ACAN: variants seen among roughly 807,000 people sequenced by gnomAD.
The protein encoded by ACAN is aggrecan core protein.
ACAN carries 47 observed loss-of-function variants against 169.1 expected under a neutral mutation model. The ratio of observed to expected loss-of-function variants is 0.28; its 90% CI spans 0.22 to 0.35. The LOEUF is 0.35. Among genes scored for constraint, ACAN ranks in the 10% least tolerant of loss-of-function variants. ACAN has a pLI of 1.00. For synonymous variants in ACAN, 1,115 were observed against 1,112.2 expected (o/e 1.00, Z -0.05); for missense variants, 2,716 against 2,759.9 (o/e 0.98, Z 0.36).
intron 6 of ACAN, among the ~76,000 whole-genome samples, chr15:88,844,415 C>G (rs1896746030): frequency 6.6e-6 from 1 of 151,546 alleles, no homozygotes; most frequent in Admixed American, 6.6e-5. Flanking sequence ...ACTCTGTCAC[C>G]CAGGCTGGAG....
intron 1 of ACAN, among the ~76,000 whole-genome samples, chr15:88,813,378 G>C (rs1303429082): frequency 6.6e-6 from 1 of 152,132 alleles, no homozygotes; most frequent in Non-Finnish European, 1.5e-5. Context: ...AGGAAATCTG[G>C]GACTCAGAAA....
At position 88,841,753 on chromosome 15, in the gene ACAN, A is replaced by G. The variant is rs758772503; in HGVS notation, c.643A>G (p.Thr215Ala). ...ADQTVRYPIH[T>A]PREGCYGDKD... ...GGTTCCTGGCAGATACCCCATCCAC[A>G]CTCCCCGGGAAGGCTGCTATGGAGA... is the stretch of plus-strand genomic sequence containing the variant. The change falls in exon 5 of 19, where the codon ACT becomes GCT. Residue 215 changes from threonine (T) to alanine (A), a missense_variant. Thr to Ala is a moderately conservative substitution (Grantham distance 58). This residue lies in a region of ACAN where 1,283 missense variants were observed against 1,281.5 expected (regional missense o/e 1.00). Transcript: ENST00000560601. 5 of 1,611,294 alleles carry G rather than the reference A, an allele frequency of 3.1e-6. No individual in the cohort carries two copies. Among genetic ancestry groups the G allele is most frequent in the Non-Finnish European group, 4.2e-6 (5 of 1,179,128 alleles).
intron 6 of ACAN, among the ~76,000 whole-genome samples, chr15:88,844,653 G>A (rs896637563): frequency 8.5e-5 from 13 of 152,308 alleles, no homozygotes; most frequent in Non-Finnish European, 1.3e-4. Context: ...GCTTGCATGC[G>A]TGAGCCACCA....
chr15:88,809,150 C>T (rs1227892036), intron 1 of ACAN, among the ~76,000 whole-genome samples: 1 of 152,148 alleles, frequency 6.6e-6, no homozygotes, highest in Non-Finnish European at 1.5e-5. Context: ...TTTAAAGTCC[C>T]CACTATGGAA....
rs572400360 is a variant in ACAN, at chr15:88,868,996, T to C, written c.7060+667T>C. Among the ~76,000 whole-genome samples the C allele has an allele frequency of 7.9e-5, 12 of 152,188 alleles. No individual in the cohort carries two copies. The highest frequency in any genetic ancestry group is 1.6e-4 in the Non-Finnish European group (11 of 68,046). On this transcript the variant is annotated intron_variant, in intron 14 of 18. Coordinates refer to ENST00000560601, the MANE Select transcript of ACAN (RefSeq NM_001369268.1). This position sits in a 1 kb window ranked among gnomAD's most constrained non-coding sequence, Gnocchi z 5.2. ...AGGGTGGCCAGAGAGAACAGAACTGTGTTACAAGGGGGAGGACTGAGTTAC... is the reference window on the plus strand; with the variant it reads ...AGGGTGGCCAGAGAGAACAGAACTGCGTTACAAGGGGGAGGACTGAGTTAC...
rs888532891 is a variant in ACAN at position 88,843,732 on chromosome 15, G to T, written c.1051+84G>T. 5 of 1,490,480 alleles carry T rather than the reference G, an allele frequency of 3.4e-6. No homozygotes were observed. Among genetic ancestry groups the T allele is most frequent in the Non-Finnish European group, 3.6e-6 (4 of 1,120,044 alleles). 92.3% of individuals were successfully genotyped at this position (1,490,480 alleles called of 1,614,324 possible). A position where few individuals can be genotyped will look rare whatever the true frequency, so the allele number is the denominator to read the frequency against. ...GAAGAGGGGATCTTGGAAAGGGAGG[G>T]TTGGTTTTTGCCCTTGAAGGGGCCA... On this transcript the variant is annotated intron_variant, in intron 6 of 18. Coordinates refer to ENST00000560601, the MANE Select transcript of ACAN (RefSeq NM_001369268.1). The surrounding 1 kb of genome is among the most constrained non-coding windows in gnomAD (Gnocchi z 4.0).
intron 4 of ACAN, among the ~76,000 whole-genome samples, chr15:88,840,945 C>G (rs1025127942): frequency 1.3e-5 from 2 of 152,082 alleles, no homozygotes; most frequent in Non-Finnish European, 2.9e-5. Flanking sequence ...GAGATCGAGA[C>G]CATCCTAGCT....
intron 1 of ACAN, among the ~76,000 whole-genome samples, chr15:88,812,918 C>T (rs1027368933): frequency 6.6e-6 from 1 of 152,154 alleles, no homozygotes; most frequent in Non-Finnish European, 1.5e-5. Flanking sequence ...TCCCTTGGTT[C>T]TCCAAGATGG....
At chr15:88,840,728 A>G (rs1896630779) in intron 4 of ACAN, among the ~76,000 whole-genome samples, 1 of 151,874 alleles carries the variant, frequency 6.6e-6, no homozygotes, top group African/African-American at 2.4e-5. Context: ...CAGGAAGGAA[A>G]ATGTCTTTGC....
intron 1 of ACAN, among the ~76,000 whole-genome samples, chr15:88,829,659 G>A (rs1355990701): frequency 6.6e-6 from 1 of 152,176 alleles, no homozygotes; most frequent in Admixed American, 6.5e-5. Context: ...GGTGACTGGT[G>A]ACTACAGGAA....
intron 1 of ACAN, among the ~76,000 whole-genome samples, chr15:88,824,473 G>A (rs562873117): frequency 1.2e-4 from 18 of 152,300 alleles, no homozygotes; most frequent in East Asian, 1.9e-4. Context: ...TCTAGGCACC[G>A]GAAATACAGC....
chr15:88,839,951 C>A lies in ACAN; in HGVS notation c.455-61C>A. The A allele has an allele frequency of 1.3e-6, 2 of 1,543,932 alleles. No homozygotes were observed. The highest frequency in any genetic ancestry group is 2.4e-5 in the East Asian group (1 of 41,406). On this transcript the variant is annotated intron_variant, in intron 3 of 18. Coordinates refer to ENST00000560601, the MANE Select transcript of ACAN (RefSeq NM_001369268.1). The surrounding 1 kb of genome is among the most constrained non-coding windows in gnomAD (Gnocchi z 4.5). ...TATTGCCATAATTCTGCGAGGGCCT[C>A]GGTGATCAGAGACTGTGCCTGACCA... is the stretch of plus-strand genomic sequence containing the variant.
chr15:88,843,301 A>ATT lies in ACAN; in HGVS notation c.758-54_758-53insTT. Reference sequence around the variant, plus strand: ...AAAGTGTGGATCTCTCTGGGGATGCAGAGCAGGGGGAGGGGGGAGAAGACC... The same window carrying ATT: ...AAAGTGTGGATCTCTCTGGGGATGCATTGAGCAGGGGGAGGGGGGAGAAGACC... On this transcript the variant is annotated intron_variant, in intron 5 of 18. Coordinates refer to ENST00000560601, the MANE Select transcript of ACAN (RefSeq NM_001369268.1). This position sits in a 1 kb window ranked among gnomAD's most constrained non-coding sequence, Gnocchi z 4.0. 1 of 1,364,334 alleles carries ATT rather than the reference A, an allele frequency of 7.3e-7. No homozygotes were observed. Among genetic ancestry groups the ATT allele is most frequent in the Non-Finnish European group, 9.4e-7 (1 of 1,059,090 alleles). The allele number at this position is 1,364,334 out of a possible 1,614,324, so 84.5% of individuals were successfully genotyped here. A position where few individuals can be genotyped will look rare whatever the true frequency, so the allele number is the denominator to read the frequency against.
At chr15:88,808,259 G>A (rs1288773436) in intron 1 of ACAN, among the ~76,000 whole-genome samples, 2 of 152,214 alleles carry the variant, frequency 1.3e-5, no homozygotes, top group Non-Finnish European at 2.9e-5. Context: ...CCCAAAGAGG[G>A]GAAGGATATG....
chr15:88,807,767 T>TGC lies in ACAN; in HGVS notation c.-8+3959_-8+3960insCG, dbSNP rs1895721302. On this transcript the variant is annotated intron_variant, in intron 1 of 18. Transcript: ENST00000560601. The surrounding 1 kb of genome is among the most constrained non-coding windows in gnomAD (Gnocchi z 4.0). ...GGTGGAGTGTGTGTGTGTGTGTGTGTGTGTGTGTGTGTGTGTGTGCATGCT... is the reference window on the plus strand; with the variant it reads ...GGTGGAGTGTGTGTGTGTGTGTGTGTGCGTGTGTGTGTGTGTGTGTGCATGCT... Among the ~76,000 whole-genome samples the TGC allele has an allele frequency of 6.6e-6, 1 of 151,548 alleles. No individual in the cohort carries two copies. Among genetic ancestry groups the TGC allele is most frequent in the Admixed American group, 6.6e-5 (1 of 15,222 alleles).
At position 88,858,818 on chromosome 15, in the gene ACAN, A is replaced by G; in HGVS notation, c.6233A>G (p.Asp2078Gly). 1 of 1,613,788 alleles carries G rather than the reference A, an allele frequency of 6.2e-7. No individual in the cohort carries two copies. Among genetic ancestry groups the G allele is most frequent in the Non-Finnish European group, 8.5e-7 (1 of 1,179,832 alleles). ...AGTGGAAAAGTCTCCACAGCTGGGG[A>G]CATTAGTGGAGCTACCCCAGTGCTC... ...ESSGKVSTAG[D>G]ISGATPVLPG... Residue 2078 changes from aspartate to glycine, a missense_variant, in exon 12 of 19, where the codon GAC becomes GGC. Asp to Gly is a moderately conservative substitution (Grantham distance 94). This residue lies in a region of ACAN where 1,389 missense variants were observed against 1,363.7 expected (regional missense o/e 1.02). Transcript: ENST00000560601. The surrounding 1 kb of genome is among the most constrained non-coding windows in gnomAD (Gnocchi z 4.0).
At position 88,838,535 on chromosome 15, in the gene ACAN, A is replaced by C; in HGVS notation, c.71-128A>C. Reference sequence around the variant, plus strand: ...CATGACACGGGAGCATCCCCATCATAGAGACAGACACACTCATCGGATTTC... The same window carrying C: ...CATGACACGGGAGCATCCCCATCATCGAGACAGACACACTCATCGGATTTC... On this transcript the variant is annotated intron_variant, in intron 2 of 18. Coordinates refer to ENST00000560601, the MANE Select transcript of ACAN (RefSeq NM_001369268.1). The surrounding 1 kb of genome is among the most constrained non-coding windows in gnomAD (Gnocchi z 5.1). 1.7e-6 allele frequency: 2 copies of C among 1,168,186 alleles called. No individual in the cohort carries two copies. Among genetic ancestry groups the C allele is most frequent in the Non-Finnish European group, 2.4e-6 (2 of 827,212 alleles). 72.4% of individuals were successfully genotyped at this position (1,168,186 alleles called of 1,614,324 possible).
Position 88,854,986 on chromosome 15 carries a change from C to T in ACAN, c.2401C>T (p.Pro801Ser). 4 of 1,597,284 alleles carry T rather than the reference C, an allele frequency of 2.5e-6. No homozygotes were observed. Among genetic ancestry groups the T allele is most frequent in the Non-Finnish European group, 3.4e-6 (4 of 1,172,652 alleles). The part of the protein sequence containing the change: ...EVPFPSEEPS[P>S]SEEPFPSVRP... Reference sequence around the variant, plus strand: ...GCCATTCCCCTCAGAGGAGCCATCCCCCTCAGAGGAACCATTCCCCTCAGT... The same window carrying T: ...GCCATTCCCCTCAGAGGAGCCATCCTCCTCAGAGGAACCATTCCCCTCAGT... The change falls in exon 12 of 19, where the codon CCC becomes TCC. Residue 801 changes from proline to serine, a missense_variant. By Grantham distance (74) the Pro-to-Ser change is moderately conservative. Transcript: ENST00000560601.
At chr15:88,840,933 A>C (rs1373250429) in intron 4 of ACAN, among the ~76,000 whole-genome samples, 2 of 152,182 alleles carry the variant, frequency 1.3e-5, no homozygotes, top group African/African-American at 2.4e-5. Flanking sequence ...TCACGAAGTC[A>C]GGAGATCGAG....
Sources: gnomAD v4.1 joint callset for allele counts (sites outside exome capture counted in the v4.1 genomes callset) on GRCh38, gnomAD v4.1.1 for gene constraint, gnomAD v4.1.1 regional missense constraint, Gnocchi (gnomAD v3.1) non-coding constraint, MANE v1.5 for transcripts, NCBI Gene and HGNC (gene_info 2026-07-23, HGNC 2026-07-21) for gene names.